Variants in ORC4 observed in about 807,000 individuals in gnomAD.
ORC4 encodes origin recognition complex, subunit 4 homolog.
ORC4 carries 55 observed loss-of-function variants against 63.9 expected under a neutral mutation model. The observed-to-expected ratio is 0.86, with a 90% confidence interval of 0.69 to 1.08. The LOEUF is 1.08. Ranked by LOEUF, ORC4 falls within the 50% of genes least tolerant of loss-of-function variation. ORC4 has a pLI of 0.00. For missense variants in ORC4, 511 were observed against 504.4 expected, an observed-to-expected ratio of 1.01 and a Z score of -0.13; for synonymous variants, 150 against 168.5, an observed-to-expected ratio of 0.89 and a Z score of 0.85.
intron 4 of ORC4, chr2:147,960,307 C>T (rs1478570280): frequency 1.0e-6 from 1 of 983,694 alleles, no homozygotes; most frequent in Non-Finnish European, 1.2e-6. Context: ...TGTGTATGGT[C>T]TGAAATGATA....
At chr2:147,955,459 T>C in intron 6 of ORC4, 64 bp from the exon 7 acceptor site, 2 of 1,165,202 alleles carry the variant, frequency 1.7e-6, no homozygotes, top group Non-Finnish European at 2.6e-6. Flanking sequence ...AAGATGGCTG[T>C]CTGATTCTCA....
chr2:148,008,510 G>C (rs17218847), intron 1 of ORC4, among the ~76,000 whole-genome samples: 1,707 of 152,218 alleles, frequency 0.011, 36 homozygotes, highest in East Asian at 0.052. Flanking sequence ...TTGCCTTCTA[G>C]TTTTAAACTT....
chr2:147,973,536 A>G lies in ORC4; in HGVS notation c.58-12T>C. On this transcript the variant is annotated splice_polypyrimidine_tract_variant and intron_variant, in intron 2 of 13. Coordinates refer to ENST00000392857, the MANE Select transcript of ORC4 (RefSeq NM_181741.4). Reference sequence around the variant, plus strand: ...AAAATTCTTTGTACCTGATGAAAATAAAGTGAATAAATATAAATAAAAATA... The same window carrying G: ...AAAATTCTTTGTACCTGATGAAAATGAAGTGAATAAATATAAATAAAAATA... The G allele has an allele frequency of 2.1e-6, 3 of 1,435,582 alleles. No individual in the cohort carries two copies. The highest frequency in any genetic ancestry group is 1.8e-4 in the Middle Eastern group (1 of 5,688). 88.9% of individuals were successfully genotyped at this position (1,435,582 alleles called of 1,614,324 possible). A position where few individuals can be genotyped will look rare whatever the true frequency, so the allele number is the denominator to read the frequency against.
rs1053379723 is a variant in ORC4 at position 147,932,357 on chromosome 2, T to C, written c.*3153A>G. 2.0e-5 allele frequency: 3 copies of C among 152,110 alleles called. No homozygotes were observed. The highest frequency in any genetic ancestry group is 7.2e-5 in the African/African-American group (3 of 41,410). The allele number at this position is 152,110 out of a possible 1,614,324, so 9.4% of individuals were successfully genotyped here. On this transcript the variant is annotated 3_prime_UTR_variant, in exon 14 of 14. Transcript: ENST00000392857. ...CATGCTCTTGGGTAGGAAGAATCAA[T>C]ATTGTGAAAATGGCCATACTGCCCA...
rs1688003966 is a variant in ORC4 at position 147,935,592 on chromosome 2, T to A, written c.1229A>T (p.Gln410Leu). The A allele has an allele frequency of 6.2e-6, 10 of 1,613,772 alleles. No homozygotes were observed. The highest frequency in any genetic ancestry group is 8.5e-6 in the Non-Finnish European group (10 of 1,179,708). Residue 410 changes from glutamine to leucine, a missense_variant, in exon 14 of 14, where the codon CAA (glutamine) becomes CTA (leucine). Coordinates refer to ENST00000392857, the MANE Select transcript of ORC4 (RefSeq NM_181741.4). ...ATATTTCTGCAGAGCATTCATAATTTGAGTATTATCCAAAAGCAGTTTCAT... is the reference window on the plus strand; with the variant it reads ...ATATTTCTGCAGAGCATTCATAATTAGAGTATTATCCAAAAGCAGTTTCAT... ...QLMKLLLDNT[Q>L]IMNALQKYPN...
Position 147,952,357 on chromosome 2 carries a change from G to A in ORC4, c.588+16C>T. 1 of 1,553,336 alleles carries A rather than the reference G, an allele frequency of 6.4e-7. No homozygotes were observed. The highest frequency in any genetic ancestry group is 8.8e-7 in the Non-Finnish European group (1 of 1,131,430). ...AAATATTATAATCAATTTTTTTAATGAACAGAAAGACTTACCAATCTACAT... is the reference window on the plus strand; with the variant it reads ...AAATATTATAATCAATTTTTTTAATAAACAGAAAGACTTACCAATCTACAT... On this transcript the variant is annotated intron_variant, in intron 8 of 13. Coordinates refer to ENST00000392857, the MANE Select transcript of ORC4 (RefSeq NM_181741.4).
chr2:147,999,301 A>G (rs1289403961), intron 1 of ORC4, among the ~76,000 whole-genome samples: 1 of 152,126 alleles, frequency 6.6e-6, no homozygotes, highest in African/African-American at 2.4e-5. Context: ...GTATCAGACA[A>G]AAAGGTTTTG....
rs70992186 is a variant in ORC4 at position 148,019,052 on chromosome 2, A to AT, written c.-18+1580dup. Among the ~76,000 whole-genome samples the AT allele has an allele frequency of 1.7e-3, 248 of 150,042 alleles. 2 individuals are homozygous for AT. Among genetic ancestry groups the AT allele is most frequent in the South Asian group, 0.01 (48 of 4,770 alleles). On this transcript the variant is annotated intron_variant, in intron 1 of 13. Transcript: ENST00000392857. The stretch of plus-strand genomic sequence containing the variant: ...AAGGCACATTAACTGCCTTGCTGGT[A>AT]TTTTTTTTTTTCATTACAAAGTGGC...
intron 2 of ORC4, among the ~76,000 whole-genome samples, chr2:147,975,624 T>TATATGAAAA (rs1690503448): frequency 1.3e-5 from 2 of 151,370 alleles, no homozygotes; most frequent in Non-Finnish European, 2.9e-5. Flanking sequence ...TTAAAAAAAA[T>TATATGAAAA]ATATGAACTG....
At chr2:147,940,540 T>A (rs1423504465) in intron 10 of ORC4, among the ~76,000 whole-genome samples, 2 of 151,972 alleles carry the variant, frequency 1.3e-5, no homozygotes, top group East Asian at 3.9e-4. Context: ...CAAATGCCCA[T>A]CAATCAACGA....
At chr2:147,936,753 G>C (rs964010168) in intron 13 of ORC4, 6 of 152,168 alleles carry the variant, frequency 3.9e-5, no homozygotes, top group African/African-American at 1.4e-4. Context: ...GGGCGCAGTG[G>C]CTCACGCCTG....
chr2:147,985,913 T>C (rs1691175067), intron 1 of ORC4, among the ~76,000 whole-genome samples: 1 of 152,062 alleles, frequency 6.6e-6, no homozygotes, highest in Non-Finnish European at 1.5e-5. Context: ...TAGTCTCAAC[T>C]GGCATGAAAA....
At chr2:147,981,523 G>A (rs1690889558) in intron 1 of ORC4, among the ~76,000 whole-genome samples, 1 of 152,112 alleles carries the variant, frequency 6.6e-6, no homozygotes, top group Non-Finnish European at 1.5e-5. Context: ...TACAATAGGT[G>A]GAACCTCTAA....
chr2:147,969,851 A>C (rs1260824754), intron 4 of ORC4, among the ~76,000 whole-genome samples: 3 of 152,086 alleles, frequency 2.0e-5, no homozygotes, highest in Non-Finnish European at 4.4e-5. Context: ...GACATAGTCT[A>C]TGAATAACTA....
intron 1 of ORC4, among the ~76,000 whole-genome samples, chr2:148,015,307 ATTTTTT>A (rs1158861758): frequency 8.7e-5 from 8 of 92,290 alleles, no homozygotes; most frequent in South Asian, 3.5e-4. Context: ...TGATATTGGA[ATTTTTT>A]TTTTTTTTTT....
intron 1 of ORC4, among the ~76,000 whole-genome samples, chr2:148,015,375 C>T (rs1158187502): frequency 1.5e-5 from 2 of 133,800 alleles, no homozygotes; most frequent in African/African-American, 2.9e-5. Context: ...GCTGCAGTGG[C>T]GCGATCTCGG....
intron 1 of ORC4, among the ~76,000 whole-genome samples, chr2:148,010,466 G>GA (rs986306069): frequency 9.3e-5 from 14 of 150,820 alleles, no homozygotes; most frequent in Non-Finnish European, 2.1e-4. Flanking sequence ...ACTAAGAAAA[G>GA]AAAAAAAAGA....
chr2:147,955,450 A>T, intron 6 of ORC4, 55 bp from the exon 7 acceptor site: 1 of 1,266,686 alleles, frequency 7.9e-7, no homozygotes, highest in Non-Finnish European at 1.1e-6. Context: ...AAAGAACAAA[A>T]GATGGCTGTC....
chr2:147,988,331 G>A lies in ORC4; in HGVS notation c.-17-12356C>T, dbSNP rs768980331. Among the ~76,000 whole-genome samples, 91 of 151,754 alleles carry A rather than the reference G, an allele frequency of 6.0e-4. 1 individual carries two copies. The Middle Eastern group carries it at 0.014, about 23-fold the overall frequency. ...AATGTAGGTATATGAATCCAGTTTG[G>A]AGACATTACTGAATCCAGCTGACTT... On this transcript the variant is annotated intron_variant, in intron 1 of 13. Coordinates refer to ENST00000392857, the MANE Select transcript of ORC4 (RefSeq NM_181741.4).
Sources: gnomAD v4.1 joint callset for allele counts (sites outside exome capture counted in the v4.1 genomes callset) on GRCh38, gnomAD v4.1.1 for gene constraint, MANE v1.5 for transcripts, NCBI Gene and HGNC (gene_info 2026-07-23, HGNC 2026-07-21) for gene names.